The following STXBP4 variants were observed in gnomAD, a reference collection of about 807,000 sequenced individuals.
STXBP4 encodes syntaxin-binding protein 4.
A neutral mutation model predicts 76.1 loss-of-function variants in STXBP4; 55 were observed. That is an observed-to-expected ratio of 0.72 (90% CI 0.58 to 0.91). STXBP4 has a LOEUF of 0.91. STXBP4 is among the 40% of genes least tolerant of loss of function. The pLI is 0.00. For missense variants in STXBP4, 618 were observed against 636.9 expected (o/e 0.97, Z 0.32); for synonymous variants, 201 against 220.2 (o/e 0.91, Z 0.77).
chr17:55,193,557 A>G, the STXBP4 span, among the ~76,000 whole-genome samples: 1 of 152,142 alleles, frequency 6.6e-6, no homozygotes, highest in Non-Finnish European at 1.5e-5. Flanking sequence ...AGGCAGTAAA[A>G]TACAAGGAGA....
At chr17:54,982,542 C>T (rs796458200) in intron 1 of STXBP4, among the ~76,000 whole-genome samples, 6 of 151,752 alleles carry the variant, frequency 4.0e-5, no homozygotes, top group African/African-American at 1.5e-4. Context: ...AGTAAAAGAA[C>T]AGAATGTTTT....
chr17:54,971,297 C>T (rs933612738), intron 1 of STXBP4, among the ~76,000 whole-genome samples: 59 of 152,144 alleles, frequency 3.9e-4, no homozygotes, highest in African/African-American at 1.4e-3. Flanking sequence ...AGCAAAATAC[C>T]ACAGACTGGT....
the STXBP4 span, among the ~76,000 whole-genome samples, chr17:55,196,043 T>C: frequency 0.069 from 10,433 of 152,184 alleles, 718 homozygotes; most frequent in African/African-American, 0.17. Flanking sequence ...GTTTGATAAA[T>C]GTTTGTTCAG....
At chr17:55,053,756 A>G (rs919021378) in intron 12 of STXBP4, among the ~76,000 whole-genome samples, 3 of 152,088 alleles carry the variant, frequency 2.0e-5, no homozygotes, top group Non-Finnish European at 4.4e-5. Context: ...CCATGAGTTT[A>G]TATGGCCAGA....
At chr17:55,141,177 C>G in intron 16 of STXBP4, 133 bp from the exon 17 acceptor site, 1 of 714,030 alleles carries the variant, frequency 1.4e-6, no homozygotes, top group South Asian at 1.8e-5. Flanking sequence ...TGTCTTAATT[C>G]CCCCTTTCTA....
chr17:55,176,064 G>A (rs1026868642), downstream of STXBP4, among the ~76,000 whole-genome samples: 10 of 152,198 alleles, frequency 6.6e-5, no homozygotes, highest in Non-Finnish European at 1.3e-4. Context: ...AGAAAGATGA[G>A]TATGGGTGAG....
intron 16 of STXBP4, among the ~76,000 whole-genome samples, chr17:55,127,663 A>C (rs779444410): frequency 3.3e-5 from 5 of 152,214 alleles, no homozygotes; most frequent in Non-Finnish European, 7.3e-5. Flanking sequence ...TATTTGAAAA[A>C]ATAACCCTCT....
intron 16 of STXBP4, among the ~76,000 whole-genome samples, chr17:55,098,177 A>G (rs1166825635): frequency 6.6e-6 from 1 of 152,118 alleles, no homozygotes; most frequent in African/African-American, 2.4e-5. Context: ...CTATCGTTAC[A>G]TTACTTCTCT....
At chr17:55,123,573 A>G (rs2079871139) in intron 16 of STXBP4, among the ~76,000 whole-genome samples, 1 of 152,188 alleles carries the variant, frequency 6.6e-6, no homozygotes, top group Non-Finnish European at 1.5e-5. Flanking sequence ...TCTGACTGCA[A>G]CAGCAAGCAG....
the STXBP4 span, among the ~76,000 whole-genome samples, chr17:55,208,577 A>AGGAAGGAAGGAAGGAAGGAAG: frequency 5.5e-5 from 5 of 90,404 alleles, no homozygotes; most frequent in South Asian, 1.1e-3. Flanking sequence ...GAGGGAGGGA[A>AGGAAGGAAGGAAGGAAGGAAG]GAAGGAAGGA....
At chr17:55,179,514 A>G in the STXBP4 span, among the ~76,000 whole-genome samples, 1 of 152,166 alleles carries the variant, frequency 6.6e-6, no homozygotes, top group Non-Finnish European at 1.5e-5. Context: ...GCAAAAAGCT[A>G]TATACAGTTG....
chr17:55,034,210 A>G lies in STXBP4; in HGVS notation c.806A>G (p.Asp269Gly). Residue 269 changes from aspartate to glycine, a missense_variant, in exon 10 of 18, where the codon GAT (aspartate) becomes GGT (glycine). Physicochemically the swap from Asp to Gly is moderately conservative, Grantham distance 94 (BLOSUM62 -1). Coordinates refer to ENST00000376352, the MANE Select transcript of STXBP4 (RefSeq NM_178509.6). ...AGAAACTTGTTTTGCTTGCAGTTGG[A>G]TGAAGTAAATGTTGGTGCACATGAA... is the stretch of plus-strand genomic sequence containing the variant. The part of the protein sequence containing the change: ...VARNLFCLQL[D>G]EVNVGAHEIS... 6.2e-7 allele frequency: 1 copy of G among 1,612,500 alleles called. No individual in the cohort carries two copies. The highest frequency in any genetic ancestry group is 1.1e-5 in the South Asian group (1 of 90,836).
At chr17:54,978,417 A>C (rs1263757083) in intron 1 of STXBP4, among the ~76,000 whole-genome samples, 1 of 152,188 alleles carries the variant, frequency 6.6e-6, no homozygotes, top group South Asian at 2.1e-4. Flanking sequence ...AGCAGAAAAT[A>C]AGTGTATTTA....
intron 3 of STXBP4, among the ~76,000 whole-genome samples, chr17:54,988,225 T>G (rs556086176): frequency 2.0e-5 from 3 of 152,224 alleles, no homozygotes; most frequent in Admixed American, 2.0e-4. Context: ...ATGGATAGAT[T>G]TATAGAGAAA....
At chr17:55,133,369 G>A (rs1037987482) in intron 16 of STXBP4, among the ~76,000 whole-genome samples, 4 of 152,094 alleles carry the variant, frequency 2.6e-5, no homozygotes, top group African/African-American at 9.7e-5. Flanking sequence ...ATCAGTAATG[G>A]GCACCTTCAG....
rs764563979 is a variant in STXBP4 at position 55,073,042 on chromosome 17, AGGCTCAGCTTGCTGAT to A, written c.1155_1170del (p.Lys385AsnfsTer13). The A allele has an allele frequency of 1.9e-6, 3 of 1,613,914 alleles. No individual in the cohort carries two copies. In the Admixed American group the frequency reaches 5.0e-5, roughly 27 times the overall value. On this transcript the variant is annotated frameshift_variant, in exon 13 of 18. Transcript: ENST00000376352. LOFTEE classifies it high-confidence loss of function. Reference sequence around the variant, plus strand: ...TTAGAGGCCAAGATTACAGAGCTAAAGGCTCAGCTTGCTGATTATTCTGACCAAAATAAAGTAAGCA... The same window carrying A: ...TTAGAGGCCAAGATTACAGAGCTAAATATTCTGACCAAAATAAAGTAAGCA...
intron 8 of STXBP4, among the ~76,000 whole-genome samples, chr17:55,027,430 G>A (rs1006511180): frequency 3.3e-5 from 5 of 152,054 alleles, no homozygotes; most frequent in African/African-American, 1.2e-4. Flanking sequence ...TGGTGTGTGG[G>A]GCAAGGGATA....
At chr17:55,079,081 C>A (rs1225011439) in intron 15 of STXBP4, among the ~76,000 whole-genome samples, 3 of 152,126 alleles carry the variant, frequency 2.0e-5, no homozygotes, top group Non-Finnish European at 4.4e-5. Flanking sequence ...AGGTTCACTA[C>A]TAAAAGTGTC....
At chr17:55,009,874 T>C (rs1373754892) in intron 8 of STXBP4, among the ~76,000 whole-genome samples, 1 of 152,062 alleles carries the variant, frequency 6.6e-6, no homozygotes, top group African/African-American at 2.4e-5. Context: ...AAGCTATTAC[T>C]TGTTTTGCAC....
Sources: gnomAD v4.1 joint callset for allele counts (sites outside exome capture counted in the v4.1 genomes callset) on GRCh38, gnomAD v4.1.1 for gene constraint, MANE v1.5 for transcripts, NCBI Gene and HGNC (gene_info 2026-07-23, HGNC 2026-07-21) for gene names.